PAOX: variants seen among roughly 807,000 people sequenced by gnomAD.
The protein encoded by PAOX is peroxisomal N(1)-acetyl-spermine/spermidine oxidase.
Under a neutral mutation model 39.0 loss-of-function variants are expected in PAOX, and 38 were observed. The observed-to-expected ratio is 0.97, with a 90% CI of 0.75 to 1.28. The LOEUF is 1.28. PAOX is among the 50% of genes most tolerant of loss of function. The pLI, the probability that PAOX is intolerant of heterozygous loss-of-function variation, is 0.00. For missense variants in PAOX, 667 were observed against 685.7 expected (o/e 0.97, Z 0.30); for synonymous variants, 311 against 314.4 (o/e 0.99, Z 0.11).
rs1019643710 is a variant in PAOX, at chr10:133,380,163, G to A, written c.346G>A (p.Ala116Thr). Residue 116 changes from alanine (A) to threonine (T), a missense_variant, in exon 2 of 7, where the codon GCC (alanine) becomes ACC (threonine). By Grantham distance (58) the Ala-to-Thr change is moderately conservative (BLOSUM62 0). Transcript: ENST00000278060. ...CGTGGGCCTGCCCTCCGTGAGCTAC[G>A]CCAGCTCCGGGGCCAGCGTGAGCCT... is the stretch of plus-strand genomic sequence containing the variant. ...GHVGLPSVSY[A>T]SSGASVSLQL... 2.5e-6 allele frequency: 4 copies of A among 1,608,722 alleles called. No individual in the cohort carries two copies. The highest frequency in any genetic ancestry group is 2.5e-6 in the Non-Finnish European group (3 of 1,177,294).
rs1446727345 is a variant in PAOX, at chr10:133,380,497, A to C, written c.668+12A>C. On this transcript the variant is annotated intron_variant, in intron 2 of 6. Transcript: ENST00000278060. ...TGCACCTTTTCTAAGTGCGTGCCTG[A>C]GCCCCTGCCCCGCCAGTCCTCCCAC... 10 of 1,556,362 alleles carry C rather than the reference A, an allele frequency of 6.4e-6. No individual in the cohort carries two copies. The East Asian group carries it at 2.3e-4, about 36-fold the overall frequency.
intron 3 of PAOX, chr10:133,382,902 T>C (rs1849430248): frequency 6.6e-6 from 1 of 152,254 alleles, no homozygotes; most frequent in African/African-American, 2.4e-5. Context: ...GCGGTCTTTT[T>C]TGTTTCCCTC....
chr10:133,390,826 T>TCCCCCCCCCC, intron 6 of PAOX: 5 of 318,532 alleles, frequency 1.6e-5, no homozygotes, highest in South Asian at 4.6e-5. Flanking sequence ...CCCAGATCCC[T>TCCCCCCCCCC]CCCCCACCCT....
chr10:133,382,677 G>A (rs1849419763), intron 3 of PAOX, among the ~76,000 whole-genome samples: 1 of 152,006 alleles, frequency 6.6e-6, no homozygotes, highest in South Asian at 2.1e-4. Flanking sequence ...AGCTACTTGG[G>A]AGGCTGAGGC....
At chr10:133,381,038 C>T (rs938241253) in intron 2 of PAOX, among the ~76,000 whole-genome samples, 51 of 152,234 alleles carry the variant, frequency 3.4e-4, no homozygotes, top group Admixed American at 6.5e-4. Flanking sequence ...TGAGGGGCTT[C>T]AACTGCAGAG....
chr10:133,379,622 C>G, intron 1 of PAOX, 125 bp downstream of exon 1: 1 of 814,082 alleles, frequency 1.2e-6, no homozygotes, highest in Non-Finnish European at 1.6e-6. Flanking sequence ...AGGGAATCCC[C>G]GCTCGCTTAA....
rs113296126 is a variant in PAOX at position 133,391,047 on chromosome 10, C to T, written c.1393-265C>T. ...GGTGGATGCGTGTGAGCCGTTTTCC[C>T]GCCCGTTGGTGGATGCGTGTGAGCC... On this transcript the variant is annotated intron_variant, in intron 6 of 6. Transcript: ENST00000278060. The T allele has an allele frequency of 1.2e-4, 80 of 687,336 alleles. No individual in the cohort carries two copies. The African/African-American group carries it at 1.3e-3, about 11-fold the overall frequency. The allele number at this position is 687,336 out of a possible 1,614,324, so 42.6% of individuals were successfully genotyped here. A position where few individuals can be genotyped will look rare whatever the true frequency, so the allele number is the denominator to read the frequency against.
intron 3 of PAOX, among the ~76,000 whole-genome samples, chr10:133,382,587 G>A (rs1849417582): frequency 6.6e-6 from 1 of 152,134 alleles, no homozygotes. Context: ...TTCGAGACCA[G>A]CCTGGTCAAC....
chr10:133,386,562 C>T (rs1849536840), intron 4 of PAOX, among the ~76,000 whole-genome samples: 1 of 152,000 alleles, frequency 6.6e-6, no homozygotes. Context: ...GCAACCTCCG[C>T]CTCCCGGGTT....
At position 133,389,821 on chromosome 10, in the gene PAOX, G is replaced by A. The variant is rs550412056; in HGVS notation, c.1392+74G>A. Reference sequence around the variant, plus strand: ...CCCGCCGAGTCTGGGCGCTGCAGGAGCACCAGCCAGTGGCGGGTGGGCTGG... The same window carrying A: ...CCCGCCGAGTCTGGGCGCTGCAGGAACACCAGCCAGTGGCGGGTGGGCTGG... On this transcript the variant is annotated intron_variant, in intron 6 of 6. Coordinates refer to ENST00000278060, the MANE Select transcript of PAOX (RefSeq NM_152911.4). 1.7e-4 allele frequency: 232 copies of A among 1,370,774 alleles called. No homozygotes were observed. The South Asian group carries it at 2.8e-3, about 17-fold the overall frequency. The allele number at this position is 1,370,774 out of a possible 1,614,324, so 84.9% of individuals were successfully genotyped here.
chr10:133,389,798 C>G, intron 6 of PAOX, 51 bp downstream of exon 6: 1 of 1,408,362 alleles, frequency 7.1e-7, no homozygotes, highest in Non-Finnish European at 9.2e-7. Flanking sequence ...CAGAGGCCCC[C>G]GCCGAGTCTG....
At chr10:133,389,804 G>C in intron 6 of PAOX, 57 bp downstream of exon 6, 2 of 1,399,420 alleles carry the variant, frequency 1.4e-6, no homozygotes, top group Non-Finnish European at 1.8e-6. Flanking sequence ...CCCCCGCCGA[G>C]TCTGGGCGCT....
At position 133,381,545 on chromosome 10, in the gene PAOX, T is replaced by A. The variant is rs1255736359; in HGVS notation, c.754T>A (p.Trp252Arg). The part of the protein sequence containing the change: ...VFEKPVKTIH[W>R]NGSFQEAAFP... ...TGAGAAGCCTGTGAAGACCATCCAC[T>A]GGAACGGGTCCTTCCAGGAGGCAGC... Residue 252 changes from tryptophan (W) to arginine (R), a missense_variant, in exon 3 of 7, where the codon TGG (tryptophan) becomes AGG (arginine). Coordinates refer to ENST00000278060, the MANE Select transcript of PAOX (RefSeq NM_152911.4). 12 of 1,613,724 alleles carry A rather than the reference T, an allele frequency of 7.4e-6. No individual in the cohort carries two copies. The highest frequency in any genetic ancestry group is 9.3e-6 in the Non-Finnish European group (11 of 1,180,050).
Position 133,379,751 on chromosome 10 carries a change from C to G in PAOX, c.182-248C>G, listed in dbSNP as rs937716821. ...CTGATTCTGCCCCACGGGGGCCCCC[C>G]CAGCCCCGGGGTACGCCCACCCTGC... On this transcript the variant is annotated intron_variant, in intron 1 of 6. Coordinates refer to ENST00000278060, the MANE Select transcript of PAOX (RefSeq NM_152911.4). 16 of 550,024 alleles carry G rather than the reference C, an allele frequency of 2.9e-5. No homozygotes were observed. In the Admixed American group the frequency reaches 4.9e-4, roughly 17 times the overall value. 34.1% of individuals were successfully genotyped at this position (550,024 alleles called of 1,614,324 possible). A position where few individuals can be genotyped will look rare whatever the true frequency, so the allele number is the denominator to read the frequency against.
chr10:133,389,757 G>A lies in PAOX; in HGVS notation c.1392+10G>A, dbSNP rs759132553. The stretch of plus-strand genomic sequence containing the variant: ...CGGCGCCGGCGCCCAGGTATGTGGC[G>A]TGCCCCAGTCGGGGGGCGTGGGTCC... On this transcript the variant is annotated intron_variant, in intron 6 of 6. Coordinates refer to ENST00000278060, the MANE Select transcript of PAOX (RefSeq NM_152911.4). 9.4e-6 allele frequency: 14 copies of A among 1,484,360 alleles called. No homozygotes were observed. Among genetic ancestry groups the A allele is most frequent in the East Asian group, 2.5e-5 (1 of 39,528 alleles). The allele number at this position is 1,484,360 out of a possible 1,614,324, so 91.9% of individuals were successfully genotyped here. A position where few individuals can be genotyped will look rare whatever the true frequency, so the allele number is the denominator to read the frequency against.
intron 3 of PAOX, 34 bp downstream of exon 3, chr10:133,381,693 A>G (rs751353537): frequency 1.2e-6 from 2 of 1,604,246 alleles, no homozygotes; most frequent in Admixed American, 1.7e-5. Context: ...CCCCCATCCC[A>G]AGTGCCCCCG....
At chr10:133,390,822 T>TCC in intron 6 of PAOX, 2 of 536,436 alleles carry the variant, frequency 3.7e-6, no homozygotes, top group Admixed American at 3.0e-5. Context: ...GACTCCCAGA[T>TCC]CCCTCCCCCA....
In PAOX at chr10:133,381,508, C is replaced by T; in HGVS notation, c.717C>T (p.Asp239=). ...GCATGATGGCCGCCCTGCCGGAGGA[C>T]ACTGTAGTTTTTGAGAAGCCTGTGA... ...TNCMMAALPE[D]TVVFEKPVKT... The change falls in exon 3 of 7, where the codon GAC becomes GAT. Residue 239 remains aspartate (D), a synonymous_variant. Coordinates refer to ENST00000278060, the MANE Select transcript of PAOX (RefSeq NM_152911.4). 6.2e-7 allele frequency: 1 copy of T among 1,613,724 alleles called. No homozygotes were observed.
intron 6 of PAOX, among the ~76,000 whole-genome samples, chr10:133,390,418 AC>A (rs1849644869): frequency 9.0e-6 from 1 of 110,998 alleles, no homozygotes; most frequent in African/African-American, 5.4e-5. Context: ...CTCCACACAC[AC>A]ACACACACAC....
Sources: allele counts gnomAD v4.1 joint callset (sites outside exome capture counted in the v4.1 genomes callset), GRCh38; gene constraint gnomAD v4.1.1; transcripts MANE v1.5; gene names NCBI Gene and HGNC (gene_info 2026-07-23, HGNC 2026-07-21).